DYNC1I1: variants seen among roughly 807,000 people sequenced by gnomAD.
DYNC1I1 encodes the protein dynein cytoplasmic 1 intermediate chain 1, also known as cytoplasmic dynein 1 intermediate chain 1.
In DYNC1I1, 43 loss-of-function variants were observed where a neutral mutation model predicts 86.6. The observed-to-expected ratio is 0.50, with a 90% CI of 0.39 to 0.64. The LOEUF (loss-of-function observed/expected upper bound fraction) is 0.64, where lower values mean the gene tolerates loss of function less well. Ranked by LOEUF, DYNC1I1 falls within the 30% of genes least tolerant of loss-of-function variation. The probability of loss-of-function intolerance (pLI) is 0.00; values close to 1 mark genes in which losing one functional copy is unlikely to be tolerated. For synonymous variants in DYNC1I1, 262 were observed against 283.7 expected, an observed-to-expected ratio of 0.92 and a Z score of 0.77; for missense variants, 604 against 788.8, an observed-to-expected ratio of 0.77 and a Z score of 2.81.
chr7:95,986,736 C>T (rs1416983397), intron 8 of DYNC1I1, among the ~76,000 whole-genome samples: 3 of 151,870 alleles, frequency 2.0e-5, no homozygotes, highest in African/African-American at 4.8e-5. Context: ...TGCTTCAGGC[C>T]AGAGCCTTTC....
chr7:95,777,944 T>G (rs1287068869), intron 1 of DYNC1I1, among the ~76,000 whole-genome samples: 2 of 152,164 alleles, frequency 1.3e-5, no homozygotes, highest in African/African-American at 4.8e-5. Flanking sequence ...TCATCATAAA[T>G]TTATAGAATC....
Position 95,823,952 on chromosome 7 carries a change from C to CTATATATATATA in DYNC1I1, c.315-4089_315-4078dup, listed in dbSNP as rs71127429. On this transcript the variant is annotated intron_variant, in intron 4 of 16. Transcript: ENST00000447467. ...TTACTTTCAGATTTGTTCTACTAAACTATATATATATATATATATATATAT... is the reference window on the plus strand; with the variant it reads ...TTACTTTCAGATTTGTTCTACTAAACTATATATATATATATATATATATATATATATATATAT... Among the ~76,000 whole-genome samples the CTATATATATATA allele has an allele frequency of 5.4e-3, 424 of 77,818 alleles. 19 individuals carry two copies. The highest frequency in any genetic ancestry group is 0.014 in the African/African-American group (208 of 15,088). 51.1% of individuals were successfully genotyped at this position (77,818 alleles called of 152,430 possible). A position where few individuals can be genotyped will look rare whatever the true frequency, so the allele number is the denominator to read the frequency against.
intron 6 of DYNC1I1, among the ~76,000 whole-genome samples, chr7:95,927,482 T>C (rs1012047433): frequency 6.6e-6 from 1 of 152,142 alleles, no homozygotes; most frequent in Non-Finnish European, 1.5e-5. Context: ...ACTGAGAATA[T>C]TGAATATGAA....
intron 5 of DYNC1I1, among the ~76,000 whole-genome samples, chr7:95,844,981 A>G (rs948631719): frequency 1.9e-4 from 29 of 152,324 alleles, no homozygotes; most frequent in African/African-American, 6.7e-4. Context: ...TTTCATTTAA[A>G]CTATAAGCTA....
intron 6 of DYNC1I1, among the ~76,000 whole-genome samples, chr7:95,944,760 AACTAT>A (rs1792346736): frequency 6.6e-6 from 1 of 151,914 alleles, no homozygotes; most frequent in African/African-American, 2.4e-5. Context: ...ATTCTCAGTA[AACTAT>A]CGCAAGAACA....
In DYNC1I1 at chr7:96,087,410, G is replaced by A. The variant is rs540128095; in HGVS notation, c.1776+6922G>A. 6.7e-4 allele frequency among the ~76,000 whole-genome samples: 102 copies of A among 152,258 alleles called. 1 individual carries two copies. In the South Asian group the frequency reaches 0.01, roughly 15 times the overall value. ...CTCGGTTTTTGCAGCCTCCAGAAGA[G>A]CACAGTTGGTCTCAGCTTAGCAAGA... On this transcript the variant is annotated intron_variant, in intron 16 of 16. Coordinates refer to ENST00000447467, the MANE Select transcript of DYNC1I1 (RefSeq NM_001135556.2).
chr7:95,786,308 C>G (rs1794144462), intron 1 of DYNC1I1, among the ~76,000 whole-genome samples: 1 of 152,134 alleles, frequency 6.6e-6, no homozygotes, highest in South Asian at 2.1e-4. Context: ...GAAATGATCC[C>G]CAGTTCGCAT....
chr7:95,855,646 G>A (rs1451597867), intron 5 of DYNC1I1, among the ~76,000 whole-genome samples: 6 of 152,242 alleles, frequency 3.9e-5, no homozygotes, highest in Admixed American at 6.5e-5. Flanking sequence ...GCTCCTAGGC[G>A]GTAAGGTATA....
chr7:96,039,521 C>A, intron 14 of DYNC1I1, 100 bp downstream of exon 14: 5 of 1,481,198 alleles, frequency 3.4e-6, no homozygotes, highest in Non-Finnish European at 4.6e-6. Flanking sequence ...TTCCAGGCAA[C>A]CTGGCATTGG....
intron 6 of DYNC1I1, among the ~76,000 whole-genome samples, chr7:95,871,467 T>C (rs1006275111): frequency 5.9e-5 from 9 of 152,194 alleles, no homozygotes; most frequent in African/African-American, 2.2e-4. Flanking sequence ...AAAAACATCC[T>C]CACCACCCAA....
At chr7:96,044,258 A>G (rs957485530) in intron 14 of DYNC1I1, among the ~76,000 whole-genome samples, 1 of 152,190 alleles carries the variant, frequency 6.6e-6, no homozygotes, top group Non-Finnish European at 1.5e-5. Context: ...AGAAAAAGCA[A>G]TTAGTAATAA....
At chr7:95,930,960 G>A (rs1381984687) in intron 6 of DYNC1I1, among the ~76,000 whole-genome samples, 1 of 152,156 alleles carries the variant, frequency 6.6e-6, no homozygotes, top group East Asian at 1.9e-4. Context: ...GCTAATTGGA[G>A]AACAAAGCCC....
intron 16 of DYNC1I1, among the ~76,000 whole-genome samples, chr7:96,089,678 T>G (rs959057281): frequency 6.6e-6 from 1 of 152,152 alleles, no homozygotes; most frequent in Non-Finnish European, 1.5e-5. Context: ...GGAAAAATGC[T>G]TCCTTTTCAT....
At chr7:96,078,334 A>G (rs918100120) in intron 15 of DYNC1I1, among the ~76,000 whole-genome samples, 3 of 152,216 alleles carry the variant, frequency 2.0e-5, no homozygotes, top group African/African-American at 7.2e-5. Flanking sequence ...TGTGAAACAA[A>G]GTACAGTATA....
chr7:95,981,314 G>C (rs908492892), intron 7 of DYNC1I1, among the ~76,000 whole-genome samples: 2 of 151,920 alleles, frequency 1.3e-5, no homozygotes, highest in Admixed American at 1.3e-4. Flanking sequence ...GAAAGGTCAA[G>C]AAAACACGGC....
chr7:96,109,155 T>C (rs191377413), intron 16 of DYNC1I1, among the ~76,000 whole-genome samples: 2 of 152,236 alleles, frequency 1.3e-5, no homozygotes, highest in East Asian at 3.9e-4. Flanking sequence ...TTATTGATCT[T>C]TTCAAAGAAT....
chr7:95,875,762 G>A (rs1352586499), intron 6 of DYNC1I1, among the ~76,000 whole-genome samples: 1 of 152,188 alleles, frequency 6.6e-6, no homozygotes, highest in Non-Finnish European at 1.5e-5. Context: ...CTGTGTTAGA[G>A]TGTGTAGCTG....
chr7:95,777,469 A>G (rs1793872315), intron 1 of DYNC1I1, among the ~76,000 whole-genome samples: 1 of 152,196 alleles, frequency 6.6e-6, no homozygotes, highest in African/African-American at 2.4e-5. Flanking sequence ...ACTTGCTTCT[A>G]AATCCTGGGA....
chr7:95,826,798 C>T (rs554971645), intron 4 of DYNC1I1, among the ~76,000 whole-genome samples: 1 of 152,208 alleles, frequency 6.6e-6, no homozygotes, highest in East Asian at 1.9e-4. Flanking sequence ...ACAAAAGAAG[C>T]AAAGTCATGA....
Sources: gnomAD v4.1 joint callset for allele counts (sites outside exome capture counted in the v4.1 genomes callset) on GRCh38, gnomAD v4.1.1 for gene constraint, MANE v1.5 for transcripts, NCBI Gene and HGNC (gene_info 2026-07-23, HGNC 2026-07-21) for gene names.